Variants in TRAF3IP1 observed in about 807,000 individuals in gnomAD.
TRAF3IP1 encodes TRAF3-interacting protein 1.
Under a neutral mutation model 89.9 loss-of-function variants are expected in TRAF3IP1, and 53 were observed. The ratio of observed to expected loss-of-function variants is 0.59; its 90% CI spans 0.47 to 0.74. The LOEUF (loss-of-function observed/expected upper bound fraction) is 0.74. Among genes scored for constraint, TRAF3IP1 ranks in the 30% least tolerant of loss-of-function variants. The probability of loss-of-function intolerance (pLI) is 0.00; values close to 1 mark genes in which losing one functional copy is unlikely to be tolerated. For missense variants in TRAF3IP1, 806 were observed against 866.1 expected, an observed-to-expected ratio of 0.93 and a Z score of 0.87; for synonymous variants, 311 against 322.1, an observed-to-expected ratio of 0.97 and a Z score of 0.37.
chr2:238,323,650 G>A (rs925645576), intron 1 of TRAF3IP1, among the ~76,000 whole-genome samples: 2 of 152,192 alleles, frequency 1.3e-5, no homozygotes, highest in East Asian at 1.9e-4. Flanking sequence ...ATGTCTTCCC[G>A]TAATAAATAT....
chr2:238,380,926 G>A (rs1234410770), intron 15 of TRAF3IP1, among the ~76,000 whole-genome samples: 1 of 152,062 alleles, frequency 6.6e-6, no homozygotes, highest in Non-Finnish European at 1.5e-5. Flanking sequence ...ATCCTTCCTG[G>A]GAATATCTTC....
At chr2:238,334,128 A>G (rs565494777) in intron 7 of TRAF3IP1, 93 bp downstream of exon 7, 22 of 951,134 alleles carry the variant, frequency 2.3e-5, no homozygotes, top group South Asian at 1.7e-4. Context: ...AAGAACTCCT[A>G]TGGCTGGAAA....
intron 15 of TRAF3IP1, among the ~76,000 whole-genome samples, chr2:238,373,942 G>A (rs1700213286): frequency 6.6e-6 from 1 of 152,088 alleles, no homozygotes; most frequent in Non-Finnish European, 1.5e-5. Flanking sequence ...TCTGTTAATG[G>A]TGTATAGGAA....
intron 8 of TRAF3IP1, among the ~76,000 whole-genome samples, chr2:238,344,117 C>T (rs1364007081): frequency 6.6e-6 from 1 of 152,110 alleles, no homozygotes; most frequent in African/African-American, 2.4e-5. Flanking sequence ...TCTTTTCTTC[C>T]TGCATTCCTG....
At position 238,351,700 on chromosome 2, in the gene TRAF3IP1, T is replaced by G. The variant is rs150693970; in HGVS notation, c.1452-1127T>G. 3.9e-5 allele frequency among the ~76,000 whole-genome samples: 6 copies of G among 152,168 alleles called. No homozygotes were observed. In the East Asian group the frequency reaches 9.7e-4, roughly 25 times the overall value. On this transcript the variant is annotated intron_variant, in intron 12 of 16. Coordinates refer to ENST00000373327, the MANE Select transcript of TRAF3IP1 (RefSeq NM_015650.4). This position sits in a 1 kb window ranked among gnomAD's most constrained non-coding sequence, Gnocchi z 5.2. ...GTCCTGGCGGAGCCACACAGGTGGT[T>G]GTTGAGTGTCTCAAGGACCCAGTTG...
At chr2:238,398,380 G>A (rs1407728488) in intron 16 of TRAF3IP1, among the ~76,000 whole-genome samples, 7 of 148,890 alleles carry the variant, frequency 4.7e-5, no homozygotes, top group Non-Finnish European at 1.5e-5. Context: ...AGGAGCAGAG[G>A]TAGGGGTGTA....
At chr2:238,352,289 C>T (rs934042140) in intron 12 of TRAF3IP1, among the ~76,000 whole-genome samples, 3 of 151,944 alleles carry the variant, frequency 2.0e-5, no homozygotes, top group South Asian at 2.1e-4. Context: ...TGGTGCTGAG[C>T]GGGACATAGG....
intron 7 of TRAF3IP1, among the ~76,000 whole-genome samples, chr2:238,335,349 A>G (rs1698331463): frequency 6.6e-6 from 1 of 152,160 alleles, no homozygotes; most frequent in Non-Finnish European, 1.5e-5. Flanking sequence ...AGAATAATCC[A>G]TCCGTGGTTC....
At chr2:238,322,906 A>G (rs1697628522) in intron 1 of TRAF3IP1, among the ~76,000 whole-genome samples, 1 of 152,010 alleles carries the variant, frequency 6.6e-6, no homozygotes, top group African/African-American at 2.4e-5. Flanking sequence ...ATTGGAAAGG[A>G]TTTTCAGATA....
intron 2 of TRAF3IP1, among the ~76,000 whole-genome samples, 191 bp downstream of exon 2, chr2:238,325,565 GT>G (rs1697784414): frequency 6.6e-6 from 1 of 152,158 alleles, no homozygotes; most frequent in Non-Finnish European, 1.5e-5. Context: ...TGTCATGCTA[GT>G]TTTATTCACT....
intron 15 of TRAF3IP1, among the ~76,000 whole-genome samples, chr2:238,386,836 C>T (rs886578077): frequency 6.6e-6 from 1 of 152,170 alleles, no homozygotes; most frequent in Non-Finnish European, 1.5e-5. Context: ...CTTACGCTGG[C>T]TTAACACATA....
chr2:238,320,685 G>A lies in TRAF3IP1; in HGVS notation c.23G>A (p.Arg8Gln), dbSNP rs537545949. 8 of 1,415,624 alleles carry A rather than the reference G, an allele frequency of 5.7e-6. No individual in the cohort carries two copies. In the East Asian group the frequency reaches 1.3e-4, roughly 23 times the overall value. 87.7% of individuals were successfully genotyped at this position (1,415,624 alleles called of 1,614,324 possible). The change falls in exon 1 of 17, where the codon CGG becomes CAG. Residue 8 changes from arginine (R) to glutamine (Q), a missense_variant. Arg to Gln is a conservative substitution (Grantham distance 43, BLOSUM62 1). Transcript: ENST00000373327. MNAAVVR[R>Q]TQEALGKVIR... ...GTCATGAACGCGGCGGTGGTGAGGC[G>A]GACGCAGGAGGCGCTGGGGAAAGTG...
chr2:238,320,671 G>T lies in TRAF3IP1; in HGVS notation c.9G>T (p.Ala3=). MN[A]AVVRRTQEAL... The stretch of plus-strand genomic sequence containing the variant: ...GGGCGGCGGACGCCGTCATGAACGC[G>T]GCGGTGGTGAGGCGGACGCAGGAGG... Residue 3 remains alanine (A), a synonymous_variant, in exon 1 of 17, where the codon GCG becomes GCT. Coordinates refer to ENST00000373327, the MANE Select transcript of TRAF3IP1 (RefSeq NM_015650.4). 2 of 1,394,680 alleles carry T rather than the reference G, an allele frequency of 1.4e-6. No individual in the cohort carries two copies. The highest frequency in any genetic ancestry group is 9.5e-7 in the Non-Finnish European group (1 of 1,058,018). The allele number at this position is 1,394,680 out of a possible 1,614,324, so 86.4% of individuals were successfully genotyped here. A position where few individuals can be genotyped will look rare whatever the true frequency, so the allele number is the denominator to read the frequency against.
At chr2:238,375,310 A>T (rs1160908798) in intron 15 of TRAF3IP1, among the ~76,000 whole-genome samples, 2 of 152,236 alleles carry the variant, frequency 1.3e-5, no homozygotes, top group Non-Finnish European at 2.9e-5. Context: ...AATGTGTCCC[A>T]GAGATTCCGG....
At chr2:238,363,322 A>T (rs1214613871) in intron 15 of TRAF3IP1, among the ~76,000 whole-genome samples, 1 of 152,118 alleles carries the variant, frequency 6.6e-6, no homozygotes, top group Non-Finnish European at 1.5e-5. Flanking sequence ...AGCTCCTTTT[A>T]AGCATGGTTT....
At chr2:238,339,618 T>C (rs9784023) in intron 8 of TRAF3IP1, among the ~76,000 whole-genome samples, 17,775 of 152,270 alleles carry the variant, frequency 0.12, 1,762 homozygotes, top group African/African-American at 0.27. Flanking sequence ...ACCTGCCTCA[T>C]GGCCTTGAGC....
At chr2:238,395,681 T>C (rs1390589290) in intron 15 of TRAF3IP1, among the ~76,000 whole-genome samples, 2 of 150,892 alleles carry the variant, frequency 1.3e-5, no homozygotes, top group African/African-American at 2.4e-5. Flanking sequence ...CAAACAAATT[T>C]ACAAAAAAAA....
At chr2:238,355,874 T>A (rs1699381740) in intron 14 of TRAF3IP1, 130 bp from the exon 15 acceptor site, 2 of 692,438 alleles carry the variant, frequency 2.9e-6, no homozygotes. Flanking sequence ...ATAAAGATTA[T>A]TTGAAACTGT....
At chr2:238,378,694 G>C (rs552814701) in intron 15 of TRAF3IP1, among the ~76,000 whole-genome samples, 1 of 152,080 alleles carries the variant, frequency 6.6e-6, no homozygotes, top group Admixed American at 6.6e-5. Context: ...GGGACCCTGC[G>C]TTTTTTCCTG....
Sources: gnomAD v4.1 joint callset for allele counts (sites outside exome capture counted in the v4.1 genomes callset) on GRCh38, gnomAD v4.1.1 for gene constraint, Gnocchi (gnomAD v3.1) non-coding constraint, MANE v1.5 for transcripts, NCBI Gene and HGNC (gene_info 2026-07-23, HGNC 2026-07-21) for gene names.